Variants in TBL1X observed in about 807,000 individuals in gnomAD.
The protein encoded by TBL1X is transducin beta like 1 X-linked.
Under a neutral mutation model 50.7 loss-of-function variants are expected in TBL1X, and 10 were observed. The observed-to-expected ratio is 0.20, with a 90% CI of 0.12 to 0.33. The LOEUF is 0.33. Ranked by LOEUF, TBL1X falls within the 10% of genes least tolerant of loss-of-function variation. TBL1X has a pLI of 1.00. For synonymous variants in TBL1X, 190 were observed against 214.7 expected (o/e 0.88, Z 1.01); for missense variants, 340 against 504.4 (o/e 0.67, Z 3.12).
chrX:9,538,145 G>A (rs1340501967), intron 2 of TBL1X, among the ~76,000 whole-genome samples: 1 of 111,989 alleles, frequency 8.9e-6, no homozygotes, highest in Non-Finnish European at 1.9e-5. Context: ...TTTGCACTGT[G>A]CTTGATGTCT....
intron 2 of TBL1X, among the ~76,000 whole-genome samples, chrX:9,556,496 TAA>T (rs748643059): frequency 3.3e-5 from 3 of 92,146 alleles, no homozygotes; most frequent in South Asian, 9.9e-4. Context: ...TGTCTCTCTC[TAA>T]AAAAAAAAAA....
chrX:9,513,239 G>T (rs768223640), intron 2 of TBL1X, among the ~76,000 whole-genome samples: 1 of 110,785 alleles, frequency 9.0e-6, no homozygotes, highest in South Asian at 3.8e-4. Context: ...ACTGGACAAG[G>T]TAGCAAGTCA....
At chrX:9,612,396 G>A (rs1223527544) in intron 2 of TBL1X, among the ~76,000 whole-genome samples, 1 of 111,378 alleles carries the variant, frequency 9.0e-6, no homozygotes, top group Non-Finnish European at 1.9e-5. Context: ...CAGATTGAGA[G>A]CCATACATGG....
At chrX:9,658,248 A>G (rs1209281016) in intron 5 of TBL1X, among the ~76,000 whole-genome samples, 1 of 111,589 alleles carries the variant, frequency 9.0e-6, no homozygotes, top group African/African-American at 3.3e-5. Context: ...ATAATGGACT[A>G]ATACAGTGTG....
At chrX:9,585,136 T>A (rs2082461472) in intron 2 of TBL1X, among the ~76,000 whole-genome samples, 1 of 111,779 alleles carries the variant, frequency 8.9e-6, no homozygotes, top group Admixed American at 9.5e-5. Flanking sequence ...AATTAAAATG[T>A]ATAACTAGAA....
At chrX:9,612,199 G>C (rs1444723718) in intron 2 of TBL1X, among the ~76,000 whole-genome samples, 9 of 112,256 alleles carry the variant, frequency 8.0e-5, no homozygotes, top group African/African-American at 2.9e-4. Flanking sequence ...GGTCGGGGAG[G>C]GGGGAAGAAA....
intron 2 of TBL1X, among the ~76,000 whole-genome samples, chrX:9,610,071 G>T (rs2082605892): frequency 8.9e-6 from 1 of 112,529 alleles, no homozygotes; most frequent in Non-Finnish European, 1.9e-5. Context: ...TGTCAGAGCT[G>T]CATATGAAAC....
chrX:9,569,287 CTG>C (rs768434992), intron 2 of TBL1X, among the ~76,000 whole-genome samples: 3 of 93,438 alleles, frequency 3.2e-5, no homozygotes, highest in South Asian at 1.1e-3. Context: ...TGTGCAGTAT[CTG>C]TGCAATGTGT....
chrX:9,654,388 C>T lies in TBL1X; in HGVS notation c.211+66C>T, dbSNP rs765556216. 5.0e-5 allele frequency: 54 copies of T among 1,083,493 alleles called. No homozygotes were observed. The African/African-American group carries it at 9.0e-4, about 18-fold the overall frequency. 89.3% of individuals were successfully genotyped at this position (1,083,493 alleles called of 1,213,427 possible). ...AGCATCTTACAAGCAGAAGGATCAA[C>T]GCTTAATTCAAAACCAGGCTGTAGA... On this transcript the variant is annotated intron_variant, in intron 5 of 17. Coordinates refer to ENST00000645353, the MANE Select transcript of TBL1X (RefSeq NM_005647.4).
At chrX:9,526,916 G>T (rs992218313) in intron 2 of TBL1X, among the ~76,000 whole-genome samples, 8 of 111,592 alleles carry the variant, frequency 7.2e-5, no homozygotes, top group Non-Finnish European at 1.1e-4. Context: ...CACACCAAAG[G>T]GGGGAGTCAG....
chrX:9,659,179 G>A (rs1297939621), intron 5 of TBL1X, among the ~76,000 whole-genome samples: 2 of 111,790 alleles, frequency 1.8e-5, no homozygotes, highest in Non-Finnish European at 3.8e-5. Context: ...AAAGAAGGAA[G>A]GAATGCGCGG....
rs2083278524 is a variant in TBL1X at position 9,716,342 on chromosome X, T to C, written c.*96T>C. ...TTCTCCAAAACTGTAGGAACTTGAC[T>C]TGCGTTAGAGTGTACTCTGAAACCA... On this transcript the variant is annotated 3_prime_UTR_variant, in exon 18 of 18. Transcript: ENST00000645353. 6.2e-6 allele frequency: 6 copies of C among 965,800 alleles called. No individual in the cohort carries two copies. In the South Asian group the frequency reaches 1.3e-4, roughly 20 times the overall value. The allele number at this position is 965,800 out of a possible 1,213,427, so 79.6% of individuals were successfully genotyped here. A position where few individuals can be genotyped will look rare whatever the true frequency, so the allele number is the denominator to read the frequency against.
chrX:9,579,744 T>TA (rs2082430216), intron 2 of TBL1X, among the ~76,000 whole-genome samples: 1 of 111,129 alleles, frequency 9.0e-6, no homozygotes, highest in African/African-American at 3.3e-5. Flanking sequence ...AATGCTATTT[T>TA]ACAACTTGTG....
intron 1 of TBL1X, among the ~76,000 whole-genome samples, chrX:9,487,205 G>C (rs755477468): frequency 9.8e-4 from 109 of 111,633 alleles, no homozygotes; most frequent in African/African-American, 3.2e-3. Flanking sequence ...GAATTTCCTA[G>C]TATTTTTACA....
chrX:9,480,233 C>T (rs1005636945), intron 1 of TBL1X, among the ~76,000 whole-genome samples: 5 of 111,735 alleles, frequency 4.5e-5, no homozygotes, highest in African/African-American at 1.3e-4. Context: ...GGATTATAGG[C>T]GTGAGCCACT....
At chrX:9,580,118 A>C (rs1417670455) in intron 2 of TBL1X, among the ~76,000 whole-genome samples, 1 of 112,352 alleles carries the variant, frequency 8.9e-6, no homozygotes, top group Non-Finnish European at 1.9e-5. Context: ...TGGTGGGGGC[A>C]CAACTTGGTT....
intron 2 of TBL1X, among the ~76,000 whole-genome samples, chrX:9,620,918 G>A (rs1458318759): frequency 8.9e-6 from 1 of 112,090 alleles, no homozygotes; most frequent in African/African-American, 3.3e-5. Flanking sequence ...GCTCAGCGGA[G>A]CCAAGAAGGG....
chrX:9,709,595 A>G, intron 14 of TBL1X, 38 bp from the exon 15 acceptor site: 2 of 1,202,187 alleles, frequency 1.7e-6, no homozygotes, highest in Non-Finnish European at 2.2e-6. Flanking sequence ...GGATGCAGGA[A>G]TGGCTTTTGC....
At position 9,714,910 on chromosome X, in the gene TBL1X, T is replaced by C. The variant is rs750395110; in HGVS notation, c.1614T>C (p.Asn538=). The change falls in exon 17 of 18, where the codon AAT becomes AAC. Residue 538 remains asparagine, a synonymous_variant. Transcript: ENST00000645353. ...CVHIWNTQSG[N]LVHSYRGTGG... ...GCTGCTTTGCTTTGCAGAGTGGAAA[T>C]CTTGTCCACAGCTACCGAGGCACTG... 2 of 1,209,865 alleles carry C rather than the reference T, an allele frequency of 1.7e-6. No individual in the cohort carries two copies.
Sources: allele counts gnomAD v4.1 joint callset (sites outside exome capture counted in the v4.1 genomes callset), GRCh38; gene constraint gnomAD v4.1.1; transcripts MANE v1.5; gene names NCBI Gene and HGNC (gene_info 2026-07-23, HGNC 2026-07-21).